Variants in NDUFAF2 observed in about 807,000 individuals in gnomAD.
NDUFAF2 encodes NADH dehydrogenase [ubiquinone] 1 alpha subcomplex assembly factor 2.
NDUFAF2 carries 13 observed loss-of-function variants against 22.8 expected under a neutral mutation model. That is an observed-to-expected ratio of 0.57 (90% CI 0.37 to 0.91). The LOEUF (loss-of-function observed/expected upper bound fraction) is 0.91, where lower values mean the gene tolerates loss of function less well. Among genes scored for constraint, NDUFAF2 ranks in the 40% least tolerant of loss-of-function variants. The pLI is 0.01. For synonymous variants in NDUFAF2, 53 were observed against 64.2 expected (o/e 0.83, Z 0.84); for missense variants, 162 against 195.2 (o/e 0.83, Z 1.01).
chr5:61,048,326 G>T (rs1426460416), intron 1 of NDUFAF2, among the ~76,000 whole-genome samples: 2 of 152,132 alleles, frequency 1.3e-5, no homozygotes, highest in African/African-American at 2.4e-5. Context: ...AACTAACTCA[G>T]TTGGCAAATT....
At chr5:61,016,510 T>C (rs1751513366) in intron 1 of NDUFAF2, among the ~76,000 whole-genome samples, 2 of 152,192 alleles carry the variant, frequency 1.3e-5, no homozygotes, top group African/African-American at 4.8e-5. Flanking sequence ...TGGAAAACTA[T>C]GAGATAACTG....
At chr5:61,118,516 A>G (rs1248759649) in intron 3 of NDUFAF2, among the ~76,000 whole-genome samples, 3 of 152,036 alleles carry the variant, frequency 2.0e-5, no homozygotes, top group African/African-American at 7.2e-5. Flanking sequence ...TTTCTGACAG[A>G]TAGTAAGTCA....
chr5:61,113,600 T>A (rs1752872611), intron 3 of NDUFAF2, among the ~76,000 whole-genome samples: 1 of 152,040 alleles, frequency 6.6e-6, no homozygotes, highest in Non-Finnish European at 1.5e-5. Context: ...ATCTGATGGT[T>A]TTATAAGGGG....
chr5:61,086,532 A>T (rs953109674), intron 2 of NDUFAF2, among the ~76,000 whole-genome samples: 1 of 152,152 alleles, frequency 6.6e-6, no homozygotes, highest in African/African-American at 2.4e-5. Context: ...TAGCAAGGAA[A>T]ATTCTTTTCA....
intron 1 of NDUFAF2, among the ~76,000 whole-genome samples, chr5:61,009,179 A>T (rs752434791): frequency 1.3e-5 from 2 of 152,262 alleles, no homozygotes; most frequent in Middle Eastern, 3.4e-3. Flanking sequence ...CAGCGTTTTC[A>T]GATCACAGAA....
At chr5:61,015,107 G>C (rs1326603664) in intron 1 of NDUFAF2, among the ~76,000 whole-genome samples, 1 of 152,106 alleles carries the variant, frequency 6.6e-6, no homozygotes, top group East Asian at 1.9e-4. Context: ...TGGGACATTG[G>C]CTTCGTTTTG....
At chr5:61,125,494 T>C (rs1456736559) in intron 3 of NDUFAF2, among the ~76,000 whole-genome samples, 1 of 152,082 alleles carries the variant, frequency 6.6e-6, no homozygotes, top group African/African-American at 2.4e-5. Context: ...TTTCATGCCA[T>C]GTGCCTATAG....
intron 3 of NDUFAF2, among the ~76,000 whole-genome samples, chr5:61,107,062 C>CACACACACAT (rs1752775132): frequency 6.7e-6 from 1 of 148,874 alleles, no homozygotes; most frequent in Non-Finnish European, 1.5e-5. Flanking sequence ...CACACACACA[C>CACACACACAT]ACACACACAC....
intron 1 of NDUFAF2, among the ~76,000 whole-genome samples, chr5:60,971,545 C>T (rs1030335556): frequency 6.6e-6 from 1 of 151,908 alleles, no homozygotes; most frequent in African/African-American, 2.4e-5. Flanking sequence ...CCTCGGCCTC[C>T]CAAAGTGCTG....
At chr5:60,980,088 G>T (rs1301602475) in intron 1 of NDUFAF2, among the ~76,000 whole-genome samples, 1 of 152,166 alleles carries the variant, frequency 6.6e-6, no homozygotes, top group Non-Finnish European at 1.5e-5. Flanking sequence ...GCATTACTGG[G>T]CTTGGGGTAC....
At chr5:61,118,816 T>C (rs1217975461) in intron 3 of NDUFAF2, among the ~76,000 whole-genome samples, 1 of 152,126 alleles carries the variant, frequency 6.6e-6, no homozygotes, top group Non-Finnish European at 1.5e-5. Flanking sequence ...TATAGAGATA[T>C]TGTAAAAGTA....
At chr5:61,043,799 G>C (rs1751913791) in intron 1 of NDUFAF2, among the ~76,000 whole-genome samples, 1 of 151,926 alleles carries the variant, frequency 6.6e-6, no homozygotes, top group Non-Finnish European at 1.5e-5. Flanking sequence ...CTTGGCTATT[G>C]TGCTGCAATA....
intron 3 of NDUFAF2, among the ~76,000 whole-genome samples, chr5:61,117,248 T>G (rs1301656065): frequency 6.6e-6 from 1 of 152,224 alleles, no homozygotes; most frequent in African/African-American, 2.4e-5. Context: ...TGGCCTATAC[T>G]ATGACCATAA....
At chr5:61,013,997 C>T (rs1328178811) in intron 1 of NDUFAF2, among the ~76,000 whole-genome samples, 3 of 152,228 alleles carry the variant, frequency 2.0e-5, no homozygotes, top group Admixed American at 6.5e-5. Flanking sequence ...TTCTGGCACA[C>T]AGCTCCTAAA....
chr5:61,143,960 TTGTGTGTGTGTGTGTG>T (rs58281805), intron 3 of NDUFAF2, among the ~76,000 whole-genome samples: 15 of 98,222 alleles, frequency 1.5e-4, no homozygotes, highest in African/African-American at 3.4e-4. Context: ...TGGCATATTT[TTGTGTGTGTGTGTGTG>T]TGTGTGTGTG....
intron 3 of NDUFAF2, among the ~76,000 whole-genome samples, chr5:61,104,071 G>T (rs765693366): frequency 6.6e-6 from 1 of 152,086 alleles, no homozygotes; most frequent in Non-Finnish European, 1.5e-5. Flanking sequence ...TAGGTTAAGT[G>T]TATCAAATGC....
chr5:61,105,315 A>ATAT (rs1380334596), intron 3 of NDUFAF2, among the ~76,000 whole-genome samples: 4 of 151,270 alleles, frequency 2.6e-5, no homozygotes, highest in African/African-American at 9.8e-5. Context: ...TCTGTGCCCA[A>ATAT]TATTACTAGG....
At chr5:61,060,832 C>T (rs142186813) in intron 1 of NDUFAF2, among the ~76,000 whole-genome samples, 4 of 152,202 alleles carry the variant, frequency 2.6e-5, no homozygotes, top group African/African-American at 7.2e-5. Context: ...TAGCCCTCTA[C>T]CTTTGATTTG....
chr5:61,133,830 G>A (rs1561135918), intron 3 of NDUFAF2, among the ~76,000 whole-genome samples: 1 of 152,154 alleles, frequency 6.6e-6, no homozygotes, highest in South Asian at 2.1e-4. Context: ...TGTAGGCCCT[G>A]AATTGTGGGA....
Sources: gnomAD v4.1 joint callset for allele counts (sites outside exome capture counted in the v4.1 genomes callset) on GRCh38, gnomAD v4.1.1 for gene constraint, MANE v1.5 for transcripts, NCBI Gene and HGNC (gene_info 2026-07-23, HGNC 2026-07-21) for gene names.